Variants in CDK6 observed in about 807,000 individuals in gnomAD.
The protein encoded by CDK6 is cyclin dependent kinase 6.
In CDK6, 6 loss-of-function variants were observed where a neutral mutation model predicts 37.1. The ratio of observed to expected loss-of-function variants is 0.16; its 90% CI spans 0.09 to 0.32. The LOEUF (loss-of-function observed/expected upper bound fraction) is 0.32, where lower values mean the gene tolerates loss of function less well. Ranked by LOEUF, CDK6 falls within the 10% of genes least tolerant of loss-of-function variation. CDK6 has a pLI of 1.00. For synonymous variants in CDK6, 160 were observed against 161.3 expected, an observed-to-expected ratio of 0.99 and a Z score of 0.06; for missense variants, 224 against 418.9, an observed-to-expected ratio of 0.53 and a Z score of 4.06.
intron 2 of CDK6, among the ~76,000 whole-genome samples, chr7:92,792,482 T>C (rs1328961473): frequency 1.3e-5 from 2 of 152,166 alleles, no homozygotes; most frequent in African/African-American, 4.8e-5. Flanking sequence ...TAAAATGATA[T>C]ACACTTTTTC....
chr7:92,834,349 CA>C lies in CDK6; in HGVS notation c.-367-660del, dbSNP rs1688832636. Among the ~76,000 whole-genome samples, 1 of 152,078 alleles carries C rather than the reference CA, an allele frequency of 6.6e-6. No individual in the cohort carries two copies. Among genetic ancestry groups the C allele is most frequent in the Admixed American group, 6.5e-5 (1 of 15,278 alleles). On this transcript the variant is annotated intron_variant, in intron 1 of 7. Coordinates refer to ENST00000424848, the MANE Select transcript of CDK6 (RefSeq NM_001145306.2). The surrounding 1 kb of genome is among the most constrained non-coding windows in gnomAD (Gnocchi z 4.6). ...GACATTTAAAAACGACTCGCATACA[CA>C]AATGGTCTTTTTGGGGTAAAGGAGT...
At chr7:92,745,402 G>A (rs1410378770) in intron 3 of CDK6, among the ~76,000 whole-genome samples, 3 of 152,186 alleles carry the variant, frequency 2.0e-5, no homozygotes, top group Admixed American at 6.5e-5. Flanking sequence ...TGACAGAGCA[G>A]TAGAACTCTA....
chr7:92,621,827 C>T (rs1385542859), intron 6 of CDK6, among the ~76,000 whole-genome samples: 1 of 152,132 alleles, frequency 6.6e-6, no homozygotes, highest in African/African-American at 2.4e-5. Flanking sequence ...AAAAAACTAG[C>T]AAATGTTATT....
chr7:92,701,444 C>T (rs980833682), intron 4 of CDK6, among the ~76,000 whole-genome samples: 17 of 150,540 alleles, frequency 1.1e-4, no homozygotes, highest in Non-Finnish European at 2.5e-4. Flanking sequence ...CTCGCTCTGT[C>T]GCCCAGGCTG....
intron 4 of CDK6, chr7:92,711,023 C>T (rs1437737901): frequency 1.1e-5 from 2 of 183,292 alleles, no homozygotes; most frequent in Non-Finnish European, 2.1e-5. Flanking sequence ...TTAAGGAGTG[C>T]AGGAGTAGGA....
chr7:92,810,494 C>T (rs1372416604), intron 2 of CDK6, among the ~76,000 whole-genome samples: 2 of 152,212 alleles, frequency 1.3e-5, no homozygotes, highest in Non-Finnish European at 2.9e-5. Flanking sequence ...AATCCTCCCC[C>T]AGTCTCCCTC....
intron 4 of CDK6, among the ~76,000 whole-genome samples, chr7:92,682,309 G>A (rs1797356253): frequency 6.6e-6 from 1 of 152,148 alleles, no homozygotes; most frequent in African/African-American, 2.4e-5. Flanking sequence ...TTCATTGTCT[G>A]TTCCCCCTTC....
chr7:92,650,696 AGTCTG>A (rs1258058997), intron 5 of CDK6, among the ~76,000 whole-genome samples: 2 of 152,136 alleles, frequency 1.3e-5, no homozygotes, highest in African/African-American at 4.8e-5. Flanking sequence ...GGCTGAATTC[AGTCTG>A]ATGTGGTTGT....
In CDK6 at chr7:92,712,657, T is replaced by G. The variant is rs902161413; in HGVS notation, c.537+12969A>C. 7.2e-4 allele frequency among the ~76,000 whole-genome samples: 110 copies of G among 152,224 alleles called. 1 individual carries two copies. The highest frequency in any genetic ancestry group is 1.5e-3 in the Non-Finnish European group (99 of 68,040). On this transcript the variant is annotated intron_variant, in intron 4 of 7. Transcript: ENST00000424848. ...AAAGACAAGATTTTATTTCAACTTG[T>G]GTAAAATTGCTGAGGTCACTCTTGA...
intron 2 of CDK6, among the ~76,000 whole-genome samples, chr7:92,803,654 T>C (rs1052894842): frequency 2.6e-5 from 4 of 152,178 alleles, no homozygotes; most frequent in African/African-American, 9.6e-5. Context: ...TTTGAGATGG[T>C]AGACATTCAA....
chr7:92,832,734 G>C (rs1444084169), intron 2 of CDK6, among the ~76,000 whole-genome samples: 4 of 152,128 alleles, frequency 2.6e-5, no homozygotes, highest in Non-Finnish European at 4.4e-5. Context: ...AAATATGCGG[G>C]GGCTAGCGGG....
At chr7:92,701,047 C>G (rs1429917173) in intron 4 of CDK6, among the ~76,000 whole-genome samples, 3 of 152,222 alleles carry the variant, frequency 2.0e-5, no homozygotes, top group African/African-American at 7.2e-5. Flanking sequence ...CCATGCCTTT[C>G]CCACTTGCCT....
chr7:92,624,868 T>C (rs1795889905), intron 5 of CDK6, among the ~76,000 whole-genome samples: 1 of 152,152 alleles, frequency 6.6e-6, no homozygotes, highest in African/African-American at 2.4e-5. Context: ...CAATTATCCC[T>C]ATTTTCAGAT....
chr7:92,712,896 T>C (rs1798133513), intron 4 of CDK6, among the ~76,000 whole-genome samples: 1 of 149,220 alleles, frequency 6.7e-6, no homozygotes, highest in African/African-American at 2.6e-5. Context: ...TTATTTGAGA[T>C]GGAGTCTCAC....
rs994124270 is a variant in CDK6 at position 92,612,241 on chromosome 7, A to C, written c.*2899T>G. On this transcript the variant is annotated 3_prime_UTR_variant, in exon 8 of 8. Transcript: ENST00000424848. ...ACTGGTCCTACTATGAAATTCAAAC[A>C]TGATTTCAAATCTGTCACAATATTT... 8.6e-6 allele frequency: 2 copies of C among 233,038 alleles called. No individual in the cohort carries two copies. The highest frequency in any genetic ancestry group is 1.1e-4 in the Admixed American group (2 of 17,780). The allele number at this position is 233,038 out of a possible 1,614,324, so 14.4% of individuals were successfully genotyped here.
intron 2 of CDK6, among the ~76,000 whole-genome samples, chr7:92,807,726 A>T (rs895952919): frequency 6.6e-6 from 1 of 152,126 alleles, no homozygotes; most frequent in African/African-American, 2.4e-5. Flanking sequence ...TAATTCAGCA[A>T]TTGACTTCGT....
chr7:92,745,347 G>A lies in CDK6; in HGVS notation c.370-19554C>T, dbSNP rs145781281. ...TTCTACTCAGAGTTGTTAGATGTCT[G>A]TGTTTTCCACACAATTTTGTCTTCT... On this transcript the variant is annotated intron_variant, in intron 3 of 7. Transcript: ENST00000424848. Among the ~76,000 whole-genome samples, 316 of 152,276 alleles carry A rather than the reference G, an allele frequency of 2.1e-3. 2 individuals are homozygous for A. The highest frequency in any genetic ancestry group is 7.3e-3 in the African/African-American group (303 of 41,550).
intron 3 of CDK6, among the ~76,000 whole-genome samples, chr7:92,748,327 T>C (rs987886752): frequency 6.6e-6 from 1 of 152,148 alleles, no homozygotes; most frequent in Non-Finnish European, 1.5e-5. Context: ...ACCAAGTAGA[T>C]CAAGTCATTT....
intron 3 of CDK6, among the ~76,000 whole-genome samples, chr7:92,735,564 G>C (rs1245396095): frequency 6.6e-6 from 1 of 152,124 alleles, no homozygotes; most frequent in Admixed American, 6.6e-5. Flanking sequence ...TTATATTATA[G>C]ATTTGATTTG....
Sources: gnomAD v4.1 joint callset for allele counts (sites outside exome capture counted in the v4.1 genomes callset) on GRCh38, gnomAD v4.1.1 for gene constraint, Gnocchi (gnomAD v3.1) non-coding constraint, MANE v1.5 for transcripts, NCBI Gene and HGNC (gene_info 2026-07-23, HGNC 2026-07-21) for gene names.